The following ANKFY1 variants were observed in gnomAD, a reference collection of about 807,000 sequenced individuals.
ANKFY1 encodes the protein ankyrin repeat and FYVE domain-containing protein 1.
In ANKFY1, 47 loss-of-function variants were observed where a neutral mutation model predicts 128.3. The ratio of observed to expected loss-of-function variants is 0.37; its 90% CI spans 0.29 to 0.47. The LOEUF (loss-of-function observed/expected upper bound fraction) is 0.47. ANKFY1 is among the 20% of genes least tolerant of loss of function. The pLI is 1.00. For synonymous variants in ANKFY1, 553 were observed against 601.6 expected (o/e 0.92, Z 1.18); for missense variants, 1,222 against 1,510.6 (o/e 0.81, Z 3.17).
At chr17:4,239,454 T>G (rs1266093020) in intron 2 of ANKFY1, among the ~76,000 whole-genome samples, 1 of 152,240 alleles carries the variant, frequency 6.6e-6, no homozygotes, top group East Asian at 1.9e-4. Flanking sequence ...TCCTTTTTTA[T>G]GTAATAGATT....
In ANKFY1 at chr17:4,180,940, TC is replaced by T; in HGVS notation, c.2240+313del. The T allele has an allele frequency of 7.3e-6, 2 of 272,700 alleles. 1 individual carries two copies. The highest frequency in any genetic ancestry group is 1.4e-5 in the Non-Finnish European group (2 of 139,336). The allele number at this position is 272,700 out of a possible 1,614,324, so 16.9% of individuals were successfully genotyped here. A position where few individuals can be genotyped will look rare whatever the true frequency, so the allele number is the denominator to read the frequency against. ...GGGGTCCTGCAGAGACCATCTGGTC[TC>T]CCCAGCCATAGCCTCCTGCTTCACA... On this transcript the variant is annotated intron_variant, in intron 16 of 24. Transcript: ENST00000341657.
intron 3 of ANKFY1, among the ~76,000 whole-genome samples, chr17:4,231,597 C>T (rs902569633): frequency 1.3e-5 from 2 of 152,080 alleles, no homozygotes; most frequent in Non-Finnish European, 2.9e-5. Context: ...TATCCAAACA[C>T]CTTTAAAGTG....
At chr17:4,172,491 C>T in intron 22 of ANKFY1, 65 bp downstream of exon 22, 1 of 1,579,570 alleles carries the variant, frequency 6.3e-7, no homozygotes, top group Non-Finnish European at 8.6e-7. Context: ...TGTGCCTGGG[C>T]TCTTGCTTTT....
Position 4,178,872 on chromosome 17 carries a change from G to A in ANKFY1, c.2583C>T (p.Ser861=), listed in dbSNP as rs780227998. Residue 861 remains serine (S), a synonymous_variant, in exon 18 of 25, where the codon TCC becomes TCT. Coordinates refer to ENST00000341657, the MANE Select transcript of ANKFY1 (RefSeq NM_001330063.2). The surrounding 1 kb of genome is among the most constrained non-coding windows in gnomAD (Gnocchi z 4.1). ...KSAEAILKRE[S]GAAEQVDNKG... ...ATTCACTCACCTGCTCAGCAGCCCC[G>A]GACTCTCGTTTGAGAATGGCCTCGG... is the stretch of plus-strand genomic sequence containing the variant. 1.8e-5 allele frequency: 29 copies of A among 1,614,060 alleles called. No homozygotes were observed. The highest frequency in any genetic ancestry group is 4.5e-5 in the East Asian group (2 of 44,904).
intron 3 of ANKFY1, among the ~76,000 whole-genome samples, chr17:4,224,219 T>G (rs979956514): frequency 2.6e-5 from 3 of 114,400 alleles, no homozygotes; most frequent in Non-Finnish European, 5.7e-5. Flanking sequence ...TTGAAGTTTT[T>G]TTTTTTTTTT....
intron 19 of ANKFY1, among the ~76,000 whole-genome samples, chr17:4,175,924 T>G (rs1241391279): frequency 6.6e-6 from 1 of 152,176 alleles, no homozygotes; most frequent in African/African-American, 2.4e-5. Context: ...TCCTATCATC[T>G]GTCATGCCGG....
rs1182858944 is a variant in ANKFY1, at chr17:4,181,226, T to G, written c.2240+28A>C. 1.3e-6 allele frequency: 2 copies of G among 1,573,792 alleles called. No homozygotes were observed. Among genetic ancestry groups the G allele is most frequent in the South Asian group, 1.1e-5 (1 of 90,238 alleles). ...GTTTGCAACAAGCTCACTAAAAAGC[T>G]GTGGAGAGATACTGGGGACTCTCAG... On this transcript the variant is annotated intron_variant, in intron 16 of 24. Coordinates refer to ENST00000341657, the MANE Select transcript of ANKFY1 (RefSeq NM_001330063.2). The surrounding 1 kb of genome is among the most constrained non-coding windows in gnomAD (Gnocchi z 4.9).
chr17:4,259,967 C>T (rs1332126388), intron 1 of ANKFY1, among the ~76,000 whole-genome samples: 2 of 152,182 alleles, frequency 1.3e-5, no homozygotes, highest in Admixed American at 1.3e-4. Context: ...GCCAAGGAAA[C>T]TGCAGGGACA....
At chr17:4,222,547 C>T (rs2060344223) in intron 3 of ANKFY1, 2 of 1,252,478 alleles carry the variant, frequency 1.6e-6, no homozygotes, top group Non-Finnish European at 2.3e-6. Context: ...TCGGGTAGAG[C>T]TTTCCTGTAC....
chr17:4,200,742 C>T (rs761138073), intron 7 of ANKFY1, among the ~76,000 whole-genome samples: 8 of 152,196 alleles, frequency 5.3e-5, no homozygotes, highest in Non-Finnish European at 1.0e-4. Context: ...TTTGTCTTTG[C>T]ATCAGGATGC....
intron 18 of ANKFY1, 56 bp from the exon 19 acceptor site, chr17:4,177,358 G>A: frequency 6.8e-7 from 1 of 1,475,388 alleles, no homozygotes; most frequent in Non-Finnish European, 9.2e-7. Context: ...TACCTCCTGA[G>A]CTTCATCTGC....
chr17:4,180,343 AG>A (rs2059487993), intron 16 of ANKFY1: 2 of 155,512 alleles, frequency 1.3e-5, no homozygotes, highest in Admixed American at 6.4e-5. Flanking sequence ...AAGCTGAGGC[AG>A]GAGAATTACT....
chr17:4,212,134 C>T (rs547349608), intron 4 of ANKFY1, among the ~76,000 whole-genome samples: 4 of 152,216 alleles, frequency 2.6e-5, no homozygotes, highest in Non-Finnish European at 5.9e-5. Context: ...TCACCTCCCT[C>T]GCCTCCACTG....
At chr17:4,191,432 C>A (rs1040607553) in intron 10 of ANKFY1, 1 of 149,898 alleles carries the variant, frequency 6.7e-6, no homozygotes, top group African/African-American at 2.5e-5. Context: ...TCTGGAGATG[C>A]CTAGTTGATG....
chr17:4,175,668 C>T (rs1026861053), intron 19 of ANKFY1, among the ~76,000 whole-genome samples: 15 of 152,224 alleles, frequency 9.9e-5, no homozygotes, highest in African/African-American at 3.6e-4. Flanking sequence ...GGCGCCCAGT[C>T]TAATCACTGA....
At chr17:4,237,092 C>T (rs945888464) in intron 2 of ANKFY1, among the ~76,000 whole-genome samples, 1 of 151,880 alleles carries the variant, frequency 6.6e-6, no homozygotes, top group Non-Finnish European at 1.5e-5. Context: ...GCCGAGATCG[C>T]GCTACTGCAC....
intron 17 of ANKFY1, 180 bp downstream of exon 17, chr17:4,179,541 T>A: frequency 1.3e-6 from 1 of 755,338 alleles, no homozygotes; most frequent in Non-Finnish European, 2.1e-6. Flanking sequence ...CCTGTTGTAG[T>A]AAGGACAAAG....
chr17:4,246,816 A>G (rs1373266927), intron 1 of ANKFY1, among the ~76,000 whole-genome samples: 1 of 152,188 alleles, frequency 6.6e-6, no homozygotes, highest in African/African-American at 2.4e-5. Context: ...TTTAAGAGTT[A>G]AAAGGGCAAT....
rs1378983523 is a variant in ANKFY1 at position 4,181,114 on chromosome 17, A to G, written c.2240+140T>C. ...CCTGGCTGACTTGACATGACAGAACAGTGACTCTCTGATAACCTTAACTGT... is the reference window on the plus strand; with the variant it reads ...CCTGGCTGACTTGACATGACAGAACGGTGACTCTCTGATAACCTTAACTGT... On this transcript the variant is annotated intron_variant, in intron 16 of 24. Transcript: ENST00000341657. The surrounding 1 kb of genome is among the most constrained non-coding windows in gnomAD (Gnocchi z 4.9). 7.4e-6 allele frequency: 5 copies of G among 673,506 alleles called. No individual in the cohort carries two copies. The allele number at this position is 673,506 out of a possible 1,614,324, so 41.7% of individuals were successfully genotyped here. A position where few individuals can be genotyped will look rare whatever the true frequency, so the allele number is the denominator to read the frequency against.
Sources: gnomAD v4.1 joint callset for allele counts (sites outside exome capture counted in the v4.1 genomes callset) on GRCh38, gnomAD v4.1.1 for gene constraint, Gnocchi (gnomAD v3.1) non-coding constraint, MANE v1.5 for transcripts, NCBI Gene and HGNC (gene_info 2026-07-23, HGNC 2026-07-21) for gene names.